GRID1: variants seen among roughly 807,000 people sequenced by gnomAD.
The protein encoded by GRID1 is glutamate ionotropic receptor delta type subunit 1, also known as glutamate receptor ionotropic, delta-1.
A neutral mutation model predicts 98.0 loss-of-function variants in GRID1; 28 were observed. The observed-to-expected ratio is 0.29, with a 90% CI of 0.21 to 0.39. The LOEUF is 0.39. GRID1 is among the 10% of genes least tolerant of loss of function. GRID1 has a pLI of 1.00. For synonymous variants in GRID1, 553 were observed against 538.5 expected, an observed-to-expected ratio of 1.03 and a Z score of -0.37; for missense variants, 1,111 against 1,340.5, an observed-to-expected ratio of 0.83 and a Z score of 2.67.
At chr10:85,706,977 A>T (rs557769882) in intron 12 of GRID1, among the ~76,000 whole-genome samples, 1 of 152,236 alleles carries the variant, frequency 6.6e-6, no homozygotes, top group Non-Finnish European at 1.5e-5. Flanking sequence ...TGGATTAAAG[A>T]CTTAAATGTT....
At chr10:86,164,628 T>A (rs1845371633) in intron 3 of GRID1, among the ~76,000 whole-genome samples, 2 of 151,900 alleles carry the variant, frequency 1.3e-5, no homozygotes, top group Admixed American at 1.3e-4. Flanking sequence ...CATCAGGGGG[T>A]CAGGGAGAGT....
At chr10:86,133,201 G>C (rs574109966) in intron 4 of GRID1, among the ~76,000 whole-genome samples, 26 of 150,594 alleles carry the variant, frequency 1.7e-4, no homozygotes, top group African/African-American at 6.4e-4. Context: ...GTGTGGATCT[G>C]CACAGGTGCA....
intron 4 of GRID1, among the ~76,000 whole-genome samples, chr10:85,976,391 T>C (rs911562731): frequency 7.9e-5 from 12 of 152,068 alleles, no homozygotes; most frequent in African/African-American, 2.9e-4. Flanking sequence ...CCCCAGGGAG[T>C]GGGGATGCCT....
chr10:86,349,600 A>C (rs1848435804), intron 2 of GRID1, among the ~76,000 whole-genome samples: 1 of 152,224 alleles, frequency 6.6e-6, no homozygotes, highest in Non-Finnish European at 1.5e-5. Flanking sequence ...TCTTGCCAGA[A>C]AGATCTTCAG....
At chr10:86,243,536 G>A (rs1230837529) in intron 2 of GRID1, among the ~76,000 whole-genome samples, 1 of 152,166 alleles carries the variant, frequency 6.6e-6, no homozygotes, top group Non-Finnish European at 1.5e-5. Context: ...GGAAACTGAG[G>A]CTCAGAGTGG....
At chr10:86,131,502 G>A (rs894521357) in intron 4 of GRID1, among the ~76,000 whole-genome samples, 1 of 152,128 alleles carries the variant, frequency 6.6e-6, no homozygotes, top group African/African-American at 2.4e-5. Context: ...AGGCCACCAG[G>A]TGTCTTCAGG....
chr10:85,757,069 C>T (rs1265311140), intron 8 of GRID1, among the ~76,000 whole-genome samples: 1 of 152,158 alleles, frequency 6.6e-6, no homozygotes, highest in Non-Finnish European at 1.5e-5. Flanking sequence ...CTGAGTTAAG[C>T]ATAGGATCTA....
chr10:85,956,859 C>T (rs144904354), intron 4 of GRID1, among the ~76,000 whole-genome samples: 20 of 152,272 alleles, frequency 1.3e-4, no homozygotes, highest in Middle Eastern at 6.8e-3. Context: ...TGGCAACTCA[C>T]AGAATCACTG....
chr10:85,984,867 C>G (rs1050816736), intron 4 of GRID1, among the ~76,000 whole-genome samples: 8 of 131,922 alleles, frequency 6.1e-5, no homozygotes, highest in African/African-American at 1.0e-4. Context: ...TCCTCTGGCT[C>G]TTAACACTCT....
intron 4 of GRID1, among the ~76,000 whole-genome samples, chr10:86,107,171 T>C (rs1329992428): frequency 6.6e-6 from 1 of 152,206 alleles, no homozygotes; most frequent in East Asian, 1.9e-4. Context: ...GTATTAGCGC[T>C]TTGCCTTAGG....
At chr10:86,131,755 A>T (rs1844842001) in intron 4 of GRID1, among the ~76,000 whole-genome samples, 1 of 152,120 alleles carries the variant, frequency 6.6e-6, no homozygotes, top group Admixed American at 6.5e-5. Context: ...AAATTCTTAC[A>T]ATGTTTTACT....
intron 12 of GRID1, among the ~76,000 whole-genome samples, chr10:85,688,305 G>C (rs577570671): frequency 1.3e-5 from 2 of 152,118 alleles, no homozygotes; most frequent in Non-Finnish European, 2.9e-5. Context: ...CTTTCTCTTG[G>C]GGAGAAAAGG....
chr10:86,126,298 A>G (rs1457282566), intron 4 of GRID1, among the ~76,000 whole-genome samples: 1 of 152,204 alleles, frequency 6.6e-6, no homozygotes, highest in African/African-American at 2.4e-5. Context: ...TACTAAAAAT[A>G]CAAAAAATTA....
intron 2 of GRID1, among the ~76,000 whole-genome samples, chr10:86,336,753 G>C (rs1848227142): frequency 6.6e-6 from 1 of 152,054 alleles, no homozygotes; most frequent in African/African-American, 2.4e-5. Flanking sequence ...GCTATAAATT[G>C]TTTCTGACAG....
At chr10:85,987,488 C>A (rs1842624088) in intron 4 of GRID1, among the ~76,000 whole-genome samples, 1 of 90,068 alleles carries the variant, frequency 1.1e-5, no homozygotes. Context: ...CTAACCTAAT[C>A]ACGCCCCCAG....
At chr10:86,302,187 C>T (rs1847698676) in intron 2 of GRID1, among the ~76,000 whole-genome samples, 1 of 152,232 alleles carries the variant, frequency 6.6e-6, no homozygotes, top group Non-Finnish European at 1.5e-5. Context: ...CCCAGCCTGG[C>T]AGGCAGATCC....
At chr10:85,688,589 T>C (rs1483479773) in intron 12 of GRID1, among the ~76,000 whole-genome samples, 1 of 152,012 alleles carries the variant, frequency 6.6e-6, no homozygotes, top group East Asian at 1.9e-4. Context: ...GCTTCAAAAA[T>C]GAAACAAAGA....
chr10:86,271,065 G>A (rs1008057811), intron 2 of GRID1, among the ~76,000 whole-genome samples: 3 of 152,160 alleles, frequency 2.0e-5, no homozygotes, highest in African/African-American at 4.8e-5. Flanking sequence ...GACACCTGGC[G>A]AGCTTTCAGA....
intron 8 of GRID1, among the ~76,000 whole-genome samples, chr10:85,770,597 T>C (rs552020774): frequency 3.3e-5 from 5 of 152,164 alleles, no homozygotes; most frequent in African/African-American, 1.2e-4. Flanking sequence ...GACGAATGTA[T>C]AACTAGAATA....
Sources: gnomAD v4.1 joint callset for allele counts (sites outside exome capture counted in the v4.1 genomes callset) on GRCh38, gnomAD v4.1.1 for gene constraint, MANE v1.5 for transcripts, NCBI Gene and HGNC (gene_info 2026-07-23, HGNC 2026-07-21) for gene names.